GPC6: variants seen among roughly 807,000 people sequenced by gnomAD.
GPC6 encodes glypican 6.
GPC6 carries 14 observed loss-of-function variants against 55.2 expected under a neutral mutation model. The ratio of observed to expected loss-of-function variants is 0.25; its 90% CI spans 0.17 to 0.40. The LOEUF (loss-of-function observed/expected upper bound fraction) is 0.40. Among genes scored for constraint, GPC6 ranks in the 10% least tolerant of loss-of-function variants. The pLI is 1.00. For synonymous variants in GPC6, 278 were observed against 259.6 expected, an observed-to-expected ratio of 1.07 and a Z score of -0.68; for missense variants, 641 against 708.5, an observed-to-expected ratio of 0.90 and a Z score of 1.08.
intron 3 of GPC6, among the ~76,000 whole-genome samples, chr13:93,946,742 G>C (rs945645435): frequency 4.6e-5 from 7 of 152,106 alleles, no homozygotes; most frequent in Non-Finnish European, 8.8e-5. Context: ...CATTCTGCTG[G>C]GCAGCTAGGG....
chr13:93,469,426 C>G (rs1191189189), intron 1 of GPC6, among the ~76,000 whole-genome samples: 2 of 152,092 alleles, frequency 1.3e-5, no homozygotes, highest in African/African-American at 4.8e-5. Flanking sequence ...ATATTTTTCT[C>G]AATCTGTTAC....
intron 6 of GPC6, among the ~76,000 whole-genome samples, chr13:94,359,099 C>G (rs1878937321): frequency 6.6e-6 from 1 of 152,110 alleles, no homozygotes; most frequent in South Asian, 2.1e-4. Flanking sequence ...TAAATAACAC[C>G]CCACTTTCAG....
chr13:93,468,743 A>C lies in GPC6; in HGVS notation c.161-76520A>C, dbSNP rs147060835. Among the ~76,000 whole-genome samples, 1,188 of 152,334 alleles carry C rather than the reference A, an allele frequency of 7.8e-3. 6 individuals carry two copies. Among genetic ancestry groups the C allele is most frequent in the Non-Finnish European group, 0.012 (814 of 68,028 alleles). On this transcript the variant is annotated intron_variant, in intron 1 of 8. Transcript: ENST00000377047. ...GAAGAAGGAATACCTAAGGTAAACT[A>C]ACTGGGGCAATTTCTAATGAATGCA...
intron 1 of GPC6, among the ~76,000 whole-genome samples, chr13:93,337,843 G>T (rs1217718562): frequency 1.3e-5 from 2 of 152,174 alleles, no homozygotes; most frequent in African/African-American, 4.8e-5. Flanking sequence ...ACAGTTTGGA[G>T]CAGGAAGAGT....
chr13:93,808,162 A>T (rs1275179758), intron 2 of GPC6, among the ~76,000 whole-genome samples: 1 of 152,190 alleles, frequency 6.6e-6, no homozygotes, highest in Non-Finnish European at 1.5e-5. Flanking sequence ...CAAAGACTAG[A>T]TTAATTTAGA....
At chr13:93,989,892 A>ATG (rs1044492131) in intron 3 of GPC6, among the ~76,000 whole-genome samples, 22 of 144,938 alleles carry the variant, frequency 1.5e-4, no homozygotes, top group Non-Finnish European at 2.5e-4. Flanking sequence ...ATATGTATAT[A>ATG]TGTGTGTGTG....
intron 2 of GPC6, among the ~76,000 whole-genome samples, chr13:93,818,079 ATATT>A (rs900878488): frequency 3.2e-4 from 48 of 147,778 alleles, no homozygotes; most frequent in African/African-American, 1.1e-3. Flanking sequence ...TAAATCATAT[ATATT>A]TATTATATGT....
At chr13:94,004,443 A>G (rs936599685) in intron 3 of GPC6, among the ~76,000 whole-genome samples, 2 of 152,102 alleles carry the variant, frequency 1.3e-5, no homozygotes, top group African/African-American at 4.8e-5. Flanking sequence ...CATGTCTGAA[A>G]ATTCAAGGGC....
intron 4 of GPC6, among the ~76,000 whole-genome samples, chr13:94,102,560 G>A (rs1300874227): frequency 6.6e-6 from 1 of 150,472 alleles, no homozygotes; most frequent in African/African-American, 2.5e-5. Flanking sequence ...TTGTTAATAA[G>A]CCAGTGATGA....
intron 2 of GPC6, among the ~76,000 whole-genome samples, chr13:93,760,828 G>A (rs1183342835): frequency 6.6e-6 from 1 of 152,032 alleles, no homozygotes; most frequent in Admixed American, 6.6e-5. Flanking sequence ...CTTTTGAATT[G>A]CAACTGCTCA....
intron 1 of GPC6, among the ~76,000 whole-genome samples, chr13:93,355,843 G>C (rs1162380556): frequency 6.6e-6 from 1 of 152,076 alleles, no homozygotes; most frequent in South Asian, 2.1e-4. Context: ...GAAGTATGGG[G>C]TGCATGTGAG....
At chr13:93,638,196 C>T (rs1442037410) in intron 2 of GPC6, among the ~76,000 whole-genome samples, 2 of 151,960 alleles carry the variant, frequency 1.3e-5, no homozygotes, top group African/African-American at 4.8e-5. Flanking sequence ...CTGTTGTCAT[C>T]AAGTAGATCA....
At position 93,832,360 on chromosome 13, in the gene GPC6, A is replaced by G. The variant is rs1887553739; in HGVS notation, c.711+1815A>G. Among the ~76,000 whole-genome samples, 3 of 151,902 alleles carry G rather than the reference A, an allele frequency of 2.0e-5. No individual in the cohort carries two copies. In the South Asian group the frequency reaches 6.3e-4, roughly 32 times the overall value. On this transcript the variant is annotated intron_variant, in intron 3 of 8. Coordinates refer to ENST00000377047, the MANE Select transcript of GPC6 (RefSeq NM_005708.5). ...TTGTAAAATAAGTGTAAATTAATTT[A>G]ATAAGTTAAACTCAATAATAGGATT...
intron 5 of GPC6, among the ~76,000 whole-genome samples, chr13:94,297,599 A>G (rs1009198692): frequency 1.3e-5 from 2 of 152,210 alleles, no homozygotes; most frequent in African/African-American, 4.8e-5. Context: ...AATGAAAAGA[A>G]TTTCTTTTAT....
At chr13:94,392,386 T>C (rs1468665558) in intron 7 of GPC6, among the ~76,000 whole-genome samples, 1 of 150,986 alleles carries the variant, frequency 6.6e-6, no homozygotes, top group Non-Finnish European at 1.5e-5. Context: ...TATATGCAAT[T>C]GCTGGATCAT....
chr13:94,289,440 G>A (rs1254074117), intron 5 of GPC6, among the ~76,000 whole-genome samples: 1 of 152,084 alleles, frequency 6.6e-6, no homozygotes, highest in Non-Finnish European at 1.5e-5. Flanking sequence ...GGAGATGACT[G>A]GGAGGCCAGC....
At chr13:94,349,067 T>A (rs1233307461) in intron 6 of GPC6, among the ~76,000 whole-genome samples, 1 of 152,216 alleles carries the variant, frequency 6.6e-6, no homozygotes, top group Non-Finnish European at 1.5e-5. Context: ...CGTGTTTTCA[T>A]GATGCTTGTC....
chr13:93,505,616 C>T (rs1212797478), intron 1 of GPC6, among the ~76,000 whole-genome samples: 1 of 152,128 alleles, frequency 6.6e-6, no homozygotes, highest in Non-Finnish European at 1.5e-5. Flanking sequence ...AGCAGTTCAG[C>T]ACTACAGCTG....
chr13:94,368,232 G>A (rs1056026187), intron 6 of GPC6, among the ~76,000 whole-genome samples: 17 of 151,652 alleles, frequency 1.1e-4, no homozygotes, highest in Non-Finnish European at 1.9e-4. Flanking sequence ...TGAACTCCCT[G>A]GGAACATATG....
Sources: gnomAD v4.1 joint callset for allele counts (sites outside exome capture counted in the v4.1 genomes callset) on GRCh38, gnomAD v4.1.1 for gene constraint, MANE v1.5 for transcripts, NCBI Gene and HGNC (gene_info 2026-07-23, HGNC 2026-07-21) for gene names.